The following SLC1A6 variants were observed in gnomAD, a reference collection of about 807,000 sequenced individuals.
SLC1A6 encodes the protein solute carrier family 1 member 6, also known as excitatory amino acid transporter 4.
In SLC1A6, 15 loss-of-function variants were observed where a neutral mutation model predicts 42.1. The ratio of observed to expected loss-of-function variants is 0.36; its 90% CI spans 0.24 to 0.55. SLC1A6 has a LOEUF of 0.55. SLC1A6 is among the 20% of genes least tolerant of loss of function. The probability of loss-of-function intolerance (pLI) is 0.88; values close to 1 mark genes in which losing one functional copy is unlikely to be tolerated. For synonymous variants in SLC1A6, 317 were observed against 319.7 expected (o/e 0.99, Z 0.09); for missense variants, 542 against 772.5 (o/e 0.70, Z 3.54).
At chr19:14,968,637 C>T in intron 3 of SLC1A6, 130 bp from the exon 4 acceptor site, 2 of 729,176 alleles carry the variant, frequency 2.7e-6, no homozygotes, top group South Asian at 3.7e-5. Flanking sequence ...TCCTATAGCC[C>T]ACCCCAAAAC....
intron 1 of SLC1A6, among the ~76,000 whole-genome samples, chr19:15,000,360 A>G (rs2045866911): frequency 6.6e-6 from 1 of 152,146 alleles, no homozygotes; most frequent in African/African-American, 2.4e-5. Context: ...CTTCTGACCA[A>G]CATCTCCCCA....
chr19:14,972,117 T>G (rs1457344316), intron 2 of SLC1A6, among the ~76,000 whole-genome samples: 2 of 152,188 alleles, frequency 1.3e-5, no homozygotes, highest in African/African-American at 4.8e-5. Context: ...TGTGTAAATG[T>G]GTGTGTATAT....
rs2045521676 is a variant in SLC1A6 at position 14,962,266 on chromosome 19, A to G, written c.671T>C (p.Met224Thr). The change falls in exon 6 of 10, where the codon ATG becomes ACG. Residue 224 changes from methionine (M) to threonine (T), a missense_variant. This residue lies in a region of SLC1A6 where 298 missense variants were observed against 419.4 expected (regional missense o/e 0.71). Transcript: ENST00000594383. ...TENGSEPGAS[M>T]PPPFSVENGT... ...GTTCTCCACTGAGAATGGAGGAGGC[A>G]TGGAGGCACCCGGCTCAGACCCGTT... 1 of 1,614,156 alleles carries G rather than the reference A, an allele frequency of 6.2e-7. No individual in the cohort carries two copies. The highest frequency in any genetic ancestry group is 1.6e-4 in the Middle Eastern group (1 of 6,062).
rs188484412 is a variant in SLC1A6 at position 14,972,833 on chromosome 19, C to G, written c.78G>C (p.Leu26=). The change falls in exon 2 of 10, where the codon CTG becomes CTC. Residue 26 remains leucine, a synonymous_variant. Transcript: ENST00000594383. ...RLGRVGWLQR[L]QESLQQRALR... Reference sequence around the variant, plus strand: ...GTGCTCTCTGCTGCAGGCTTTCCTGCAGCCGCTGCAGCCAGCCCACCCGGC... The same window carrying G: ...GTGCTCTCTGCTGCAGGCTTTCCTGGAGCCGCTGCAGCCAGCCCACCCGGC... The G allele has an allele frequency of 6.2e-7, 1 of 1,604,292 alleles. No individual in the cohort carries two copies. The highest frequency in any genetic ancestry group is 1.7e-5 in the Admixed American group (1 of 58,446).
chr19:14,981,517 G>A (rs1353181404), upstream of SLC1A6, among the ~76,000 whole-genome samples: 1 of 152,102 alleles, frequency 6.6e-6, no homozygotes, highest in South Asian at 2.1e-4. Flanking sequence ...CACTCACTGT[G>A]CTTAGACGAT....
intron 1 of SLC1A6, among the ~76,000 whole-genome samples, chr19:15,001,181 CTT>C (rs1491163132): frequency 2.5e-4 from 9 of 35,494 alleles, no homozygotes; most frequent in Non-Finnish European, 5.2e-4. Flanking sequence ...GGGCTGGGAA[CTT>C]AGTTATTCAG....
intron 1 of SLC1A6, among the ~76,000 whole-genome samples, chr19:15,008,026 C>CA (rs1206883230): frequency 7.9e-6 from 1 of 127,308 alleles, no homozygotes; most frequent in South Asian, 3.0e-4. Flanking sequence ...AGTCTGCCCC[C>CA]CCCCCAAAAA....
intron 1 of SLC1A6, among the ~76,000 whole-genome samples, chr19:14,975,896 A>AAAGGGAAGGGGACAAAGGGAAGGG (rs1555708028): frequency 1.2e-5 from 1 of 84,292 alleles, no homozygotes; most frequent in African/African-American, 4.9e-5. Flanking sequence ...GAAGGGAAGG[A>AAAGGGAAGGGGACAAAGGGAAGGG]AAGGGAAGGG....
exon 1 of SLC1A6, chr19:15,010,521 C>G (rs548845514): frequency 3.3e-6 from 2 of 605,028 alleles, no homozygotes; most frequent in East Asian, 3.5e-5. Flanking sequence ...CAGCTGGAAG[C>G]GCTTAGGACA....
intron 1 of SLC1A6, among the ~76,000 whole-genome samples, chr19:14,990,555 A>G (rs1377010508): frequency 6.6e-6 from 1 of 152,166 alleles, no homozygotes; most frequent in Non-Finnish European, 1.5e-5. Flanking sequence ...GGATCACCTG[A>G]GGTCAGGAGT....
Position 14,953,007 on chromosome 19 carries a change from C to T in SLC1A6, c.1420G>A (p.Val474Ile), listed in dbSNP as rs761872011. ...GACGTAAGCACAATGACCATGGTGA[C>T]CAGACCCGCCTGGGGGATGCCAGCA... is the stretch of plus-strand genomic sequence containing the variant. ...GAAGIPQAGL[V>I]TMVIVLTSVG... is the part of the protein sequence containing the mutation. The change falls in exon 9 of 10, where the codon GTC becomes ATC. Residue 474 changes from valine to isoleucine, a missense_variant. Physicochemically the swap from Val to Ile is conservative, Grantham distance 29. This residue lies in a region of SLC1A6 where 54 missense variants were observed against 125.1 expected (regional missense o/e 0.43). Coordinates refer to ENST00000594383, the MANE Select transcript of SLC1A6 (RefSeq NM_005071.3). The T allele has an allele frequency of 1.5e-5, 24 of 1,613,956 alleles. No homozygotes were observed. Among genetic ancestry groups the T allele is most frequent in the Non-Finnish European group, 1.9e-5 (22 of 1,179,964 alleles).
At chr19:14,993,223 C>G (rs73927900) in intron 1 of SLC1A6, among the ~76,000 whole-genome samples, 6,221 of 152,200 alleles carry the variant, frequency 0.041, 300 homozygotes, top group African/African-American at 0.11. Context: ...ATATAAAATA[C>G]CCAGCACAGG....
chr19:14,988,703 G>A (rs946400573), intron 1 of SLC1A6, among the ~76,000 whole-genome samples: 5 of 152,122 alleles, frequency 3.3e-5, no homozygotes, highest in African/African-American at 9.7e-5. Context: ...TATCTTAAGC[G>A]AAATAACTCA....
intron 1 of SLC1A6, among the ~76,000 whole-genome samples, chr19:14,992,015 G>A (rs1031629455): frequency 1.1e-4 from 16 of 152,014 alleles, no homozygotes; most frequent in East Asian, 3.9e-4. Context: ...TAGTAGAGAC[G>A]GGGTTTCACC....
chr19:14,960,143 G>GAAGA (rs71168529), intron 6 of SLC1A6, among the ~76,000 whole-genome samples: 1 of 151,944 alleles, frequency 6.6e-6, no homozygotes, highest in Non-Finnish European at 1.5e-5. Context: ...AGGAAGGAAG[G>GAAGA]GATTAACAAC....
intron 1 of SLC1A6, among the ~76,000 whole-genome samples, chr19:15,010,130 G>A (rs1418198588): frequency 8.1e-5 from 12 of 147,344 alleles, no homozygotes; most frequent in Non-Finnish European, 1.8e-4. Flanking sequence ...AGATTGCAGT[G>A]AGCCCAGCTC....
upstream of SLC1A6, among the ~76,000 whole-genome samples, chr19:14,982,580 T>A (rs2045773604): frequency 6.6e-6 from 1 of 152,204 alleles, no homozygotes; most frequent in Non-Finnish European, 1.5e-5. Flanking sequence ...ATCAATATAA[T>A]AATATATCAA....
intron 1 of SLC1A6, among the ~76,000 whole-genome samples, chr19:14,993,767 G>C (rs1302828313): frequency 2.0e-5 from 3 of 152,234 alleles, no homozygotes; most frequent in Non-Finnish European, 4.4e-5. Flanking sequence ...TGGAGGGAAA[G>C]TTTTATAAGG....
At chr19:14,977,463 C>T (rs2045724029) in intron 1 of SLC1A6, 1 of 152,066 alleles carries the variant, frequency 6.6e-6, no homozygotes, top group African/African-American at 2.4e-5. Flanking sequence ...ATTTGCTGAC[C>T]CCTGGAGAAG....
Sources: allele counts gnomAD v4.1 joint callset (sites outside exome capture counted in the v4.1 genomes callset), GRCh38; gene constraint gnomAD v4.1.1; regional missense constraint gnomAD v4.1.1; transcripts MANE v1.5; gene names NCBI Gene and HGNC (gene_info 2026-07-23, HGNC 2026-07-21).